PDXP: variants seen among roughly 807,000 people sequenced by gnomAD.
The protein encoded by PDXP is chronophin.
Under a neutral mutation model 14.4 loss-of-function variants are expected in PDXP, and 15 were observed. That is an observed-to-expected ratio of 1.04 (90% CI 0.70 to 1.60). The LOEUF is 1.60. Ranked by LOEUF, PDXP falls within the 40% of genes most tolerant of loss-of-function variation. The probability of loss-of-function intolerance (pLI) is 0.00; values close to 1 mark genes in which losing one functional copy is unlikely to be tolerated. For missense variants in PDXP, 413 were observed against 427.6 expected (o/e 0.97, Z 0.30); for synonymous variants, 233 against 205.6 (o/e 1.13, Z -1.14).
Position 37,661,917 on chromosome 22 carries a change from A to ATTTTTTTTTTTTTTTTTTT in PDXP, c.574+2585_574+2603dup, listed in dbSNP as rs763030330. Among the ~76,000 whole-genome samples the ATTTTTTTTTTTTTTTTTTT allele has an allele frequency of 7.0e-5, 5 of 71,190 alleles. 1 individual carries two copies. The highest frequency in any genetic ancestry group is 1.3e-4 in the Non-Finnish European group (5 of 38,944). The allele number at this position is 71,190 out of a possible 152,430, so 46.7% of individuals were successfully genotyped here. A position where few individuals can be genotyped will look rare whatever the true frequency, so the allele number is the denominator to read the frequency against. ...CTTTTATTCTCTCTCTTTTTCTTTAATTTTTTTTTTTTTTTTTTTTTTTTT... is the reference window on the plus strand; with the variant it reads ...CTTTTATTCTCTCTCTTTTTCTTTAATTTTTTTTTTTTTTTTTTTTTTTTTTTTTTTTTTTTTTTTTTTT... On this transcript the variant is annotated intron_variant, in intron 1 of 1. Coordinates refer to ENST00000215904, the MANE Select transcript of PDXP (RefSeq NM_020315.5).
At chr22:37,659,804 A>G (rs1319744441) in intron 1 of PDXP, among the ~76,000 whole-genome samples, 1 of 152,122 alleles carries the variant, frequency 6.6e-6, no homozygotes, top group Non-Finnish European at 1.5e-5. Flanking sequence ...CAGTTACATA[A>G]CCTCCAAGCA....
Position 37,658,936 on chromosome 22 carries a change from A to G in PDXP, c.154A>G (p.Lys52Glu), listed in dbSNP as rs1180002118. 2 of 1,214,268 alleles carry G rather than the reference A, an allele frequency of 1.6e-6. No individual in the cohort carries two copies. The highest frequency in any genetic ancestry group is 2.1e-6 in the Non-Finnish European group (2 of 974,006). The allele number at this position is 1,214,268 out of a possible 1,614,324, so 75.2% of individuals were successfully genotyped here. ...GCTGGAGCGGCTGGCGCGGGCCGGC[A>G]AGGCGGCTCTGTTTGTGAGCAACAA... ...ELLERLARAG[K>E]AALFVSNNSR... The change falls in exon 1 of 2, where the codon AAG becomes GAG. Residue 52 changes from lysine (K) to glutamate (E), a missense_variant. Transcript: ENST00000215904.
Position 37,666,088 on chromosome 22 carries a change from A to T in PDXP, c.*217A>T, listed in dbSNP as rs932005610. The T allele has an allele frequency of 6.5e-6, 4 of 611,346 alleles. No individual in the cohort carries two copies. The highest frequency in any genetic ancestry group is 1.2e-5 in the Non-Finnish European group (4 of 336,522). The allele number at this position is 611,346 out of a possible 1,614,324, so 37.9% of individuals were successfully genotyped here. On this transcript the variant is annotated 3_prime_UTR_variant, in exon 2 of 2. Transcript: ENST00000215904. The stretch of plus-strand genomic sequence containing the variant: ...TGCCCCAGAAGCTGGTCCCCTATGG[A>T]TTCATCTTGGCCTGACCCAGCCAGG...
intron 1 of PDXP, among the ~76,000 whole-genome samples, chr22:37,660,724 G>A (rs1476323532): frequency 1.3e-5 from 2 of 152,170 alleles, no homozygotes; most frequent in Admixed American, 1.3e-4. Context: ...AATCCTGGGG[G>A]TACAGGATGG....
Position 37,666,261 on chromosome 22 carries a change from G to T in PDXP, c.*390G>T, listed in dbSNP as rs1921080521. The T allele has an allele frequency of 3.6e-6, 1 of 280,388 alleles. No homozygotes were observed. Among genetic ancestry groups the T allele is most frequent in the African/African-American group, 2.2e-5 (1 of 45,864 alleles). The allele number at this position is 280,388 out of a possible 1,614,324, so 17.4% of individuals were successfully genotyped here. A position where few individuals can be genotyped will look rare whatever the true frequency, so the allele number is the denominator to read the frequency against. ...TCTGCCCCTCAGGTCCTGGCCCTTG[G>T]GTCCTTGTCAACCAGAGGTCTAGGG... On this transcript the variant is annotated 3_prime_UTR_variant, in exon 2 of 2. Coordinates refer to ENST00000215904, the MANE Select transcript of PDXP (RefSeq NM_020315.5).
At chr22:37,664,685 G>A (rs1046246525) in intron 1 of PDXP, among the ~76,000 whole-genome samples, 9 of 152,202 alleles carry the variant, frequency 5.9e-5, no homozygotes, top group Non-Finnish European at 1.2e-4. Context: ...TAGCATGAAG[G>A]CCGAATGTTC....
At chr22:37,662,537 G>T (rs549621832) in intron 1 of PDXP, among the ~76,000 whole-genome samples, 3 of 152,178 alleles carry the variant, frequency 2.0e-5, no homozygotes, top group African/African-American at 7.2e-5. Flanking sequence ...GTCCCTGAAC[G>T]TGGGGTCAGG....
rs1049105052 is a variant in PDXP at position 37,658,998 on chromosome 22, C to T, written c.216C>T (p.Phe72=). ...RRARPELALR[F]ARLGFGGLRA... is the part of the protein sequence containing the mutation. ...CGCGGCCCGAGCTGGCCCTGCGCTTCGCGCGCCTCGGCTTCGGGGGGCTGC... is the reference window on the plus strand; with the variant it reads ...CGCGGCCCGAGCTGGCCCTGCGCTTTGCGCGCCTCGGCTTCGGGGGGCTGC... Residue 72 remains phenylalanine, a synonymous_variant, in exon 1 of 2, where the codon TTC becomes TTT. Coordinates refer to ENST00000215904, the MANE Select transcript of PDXP (RefSeq NM_020315.5). 1.5e-5 allele frequency: 18 copies of T among 1,198,940 alleles called. No individual in the cohort carries two copies. The East Asian group carries it at 4.5e-4, about 30-fold the overall frequency. The allele number at this position is 1,198,940 out of a possible 1,614,324, so 74.3% of individuals were successfully genotyped here. A position where few individuals can be genotyped will look rare whatever the true frequency, so the allele number is the denominator to read the frequency against.
chr22:37,661,330 CAGTGTGGTGTGGTGTGGTGTGTGTGTGT>C (rs139818903), intron 1 of PDXP, among the ~76,000 whole-genome samples: 41,964 of 146,744 alleles, frequency 0.29, 6,489 homozygotes, highest in Middle Eastern at 0.37. Context: ...AGCTTTCAAA[CAGTGTGGTGTGGTGTGGTGTGTGTGTGT>C]GGTGTGGTGT....
chr22:37,664,914 A>C (rs1442171104), intron 1 of PDXP: 1 of 151,854 alleles, frequency 6.6e-6, no homozygotes, highest in Non-Finnish European at 1.5e-5. Context: ...TCTTGTGATC[A>C]CTTTCCCGGG....
chr22:37,660,970 C>A (rs1362435710), intron 1 of PDXP, among the ~76,000 whole-genome samples: 2 of 152,144 alleles, frequency 1.3e-5, no homozygotes, highest in African/African-American at 2.4e-5. Flanking sequence ...GCCTCAGTTT[C>A]CCTATAAGTC....
chr22:37,665,871 A>C lies in PDXP; in HGVS notation c.891A>C (p.Ter297CysextTer18), dbSNP rs1402059498. The C allele has an allele frequency of 6.2e-7, 1 of 1,610,246 alleles. No individual in the cohort carries two copies. Among genetic ancestry groups the C allele is most frequent in the Non-Finnish European group, 8.5e-7 (1 of 1,177,274 alleles). The change falls in exon 2 of 2, where the codon TGA becomes TGC. Residue 297 changes from the stop codon to cysteine, a stop_lost. Transcript: ENST00000215904. The stretch of plus-strand genomic sequence containing the variant: ...ACTTGACAGAGGGGTTGGAGGACTG[A>C]GCCCACTGCACCTGCAGCCACAGGC... ...IADLTEGLED[*>C]
At position 37,665,710 on chromosome 22, in the gene PDXP, A is replaced by G. The variant is rs1203350082; in HGVS notation, c.730A>G (p.Ile244Val). ...GGTGGGTGACCGCCTGGAGACCGAC[A>G]TCCTCTTTGGCCACCGCTGCGGCAT... is the stretch of plus-strand genomic sequence containing the variant. ...LMVGDRLETD[I>V]LFGHRCGMTT... The change falls in exon 2 of 2, where the codon ATC becomes GTC. Residue 244 changes from isoleucine to valine, a missense_variant. Coordinates refer to ENST00000215904, the MANE Select transcript of PDXP (RefSeq NM_020315.5). 6.2e-7 allele frequency: 1 copy of G among 1,614,144 alleles called. No individual in the cohort carries two copies. Among genetic ancestry groups the G allele is most frequent in the Non-Finnish European group, 8.5e-7 (1 of 1,180,028 alleles).
Position 37,658,765 on chromosome 22 carries a change from C to G in PDXP, c.-18C>G. 1 of 1,155,502 alleles carries G rather than the reference C, an allele frequency of 8.7e-7. No homozygotes were observed. The highest frequency in any genetic ancestry group is 1.1e-6 in the Non-Finnish European group (1 of 938,490). The allele number at this position is 1,155,502 out of a possible 1,614,324, so 71.6% of individuals were successfully genotyped here. ...GCGGAGAGAGCGCGGCGCGGGAGGC[C>G]GGCGGCCGGCCGGCTGCATGGCGCG... On this transcript the variant is annotated 5_prime_UTR_variant, in exon 1 of 2. Transcript: ENST00000215904.
rs576842317 is a variant in PDXP at position 37,658,933 on chromosome 22, G to A, written c.151G>A (p.Gly51Ser). 4.1e-6 allele frequency: 5 copies of A among 1,215,440 alleles called. No individual in the cohort carries two copies. The highest frequency in any genetic ancestry group is 3.5e-5 in the East Asian group (1 of 28,818). 75.3% of individuals were successfully genotyped at this position (1,215,440 alleles called of 1,614,324 possible). ...PELLERLARAGKAALFVSNNS... is the reference protein window; with the variant it reads ...PELLERLARASKAALFVSNNS... Reference sequence around the variant, plus strand: ...GCTGCTGGAGCGGCTGGCGCGGGCCGGCAAGGCGGCTCTGTTTGTGAGCAA... The same window carrying A: ...GCTGCTGGAGCGGCTGGCGCGGGCCAGCAAGGCGGCTCTGTTTGTGAGCAA... The change falls in exon 1 of 2, where the codon GGC becomes AGC. Residue 51 changes from glycine to serine, a missense_variant. Transcript: ENST00000215904.
chr22:37,659,042 G>C lies in PDXP; in HGVS notation c.260G>C (p.Ser87Thr), dbSNP rs1186987525. ...GGGCTGCGCGCCGAGCAGCTCTTCAGCTCCGCGCTGTGCGCCGCGCGCCTG... is the reference window on the plus strand; with the variant it reads ...GGGCTGCGCGCCGAGCAGCTCTTCACCTCCGCGCTGTGCGCCGCGCGCCTG... ...FGGLRAEQLF[S>T]SALCAARLLR... Residue 87 changes from serine to threonine, a missense_variant, in exon 1 of 2, where the codon AGC (serine) becomes ACC (threonine). By Grantham distance (58) the Ser-to-Thr change is moderately conservative. Coordinates refer to ENST00000215904, the MANE Select transcript of PDXP (RefSeq NM_020315.5). 1 of 1,147,122 alleles carries C rather than the reference G, an allele frequency of 8.7e-7. No homozygotes were observed. Among genetic ancestry groups the C allele is most frequent in the Non-Finnish European group, 1.1e-6 (1 of 933,334 alleles). The allele number at this position is 1,147,122 out of a possible 1,614,324, so 71.1% of individuals were successfully genotyped here.
Position 37,665,956 on chromosome 22 carries a change from G to A in PDXP, c.*85G>A. 2.2e-6 allele frequency: 3 copies of A among 1,364,598 alleles called. No individual in the cohort carries two copies. The highest frequency in any genetic ancestry group is 3.0e-6 in the Non-Finnish European group (3 of 986,854). The allele number at this position is 1,364,598 out of a possible 1,614,324, so 84.5% of individuals were successfully genotyped here. ...GGCGATGGGTCACGAGCCATGTTAA[G>A]CACAACCGGCTCCTTGGTCCAGTTC... On this transcript the variant is annotated 3_prime_UTR_variant, in exon 2 of 2. Transcript: ENST00000215904.
chr22:37,659,192 A>G lies in PDXP; in HGVS notation c.410A>G (p.Asp137Gly). 3 of 1,214,460 alleles carry G rather than the reference A, an allele frequency of 2.5e-6. No individual in the cohort carries two copies. Among genetic ancestry groups the G allele is most frequent in the Non-Finnish European group, 3.1e-6 (3 of 976,452 alleles). The allele number at this position is 1,214,460 out of a possible 1,614,324, so 75.2% of individuals were successfully genotyped here. A position where few individuals can be genotyped will look rare whatever the true frequency, so the allele number is the denominator to read the frequency against. ...CTGGCCGGGGACCCGAGCGCGGGGG[A>G]CGGCGCGGCCCCGCGCGTGCGCGCC... ...LRLAGDPSAG[D>G]GAAPRVRAVL... is the part of the protein sequence containing the mutation. The change falls in exon 1 of 2, where the codon GAC becomes GGC. Residue 137 changes from aspartate to glycine, a missense_variant. Physicochemically the swap from Asp to Gly is moderately conservative, Grantham distance 94. Coordinates refer to ENST00000215904, the MANE Select transcript of PDXP (RefSeq NM_020315.5).
In PDXP at chr22:37,659,129, A is replaced by AGGGGCTGCGCGCCGC; in HGVS notation, c.361_362insCGGGGCTGCGCGCCG (p.Ala120_Glu121insAlaGlyLeuArgAla). The AGGGGCTGCGCGCCGC allele has an allele frequency of 9.8e-7, 1 of 1,016,274 alleles. No homozygotes were observed. The highest frequency in any genetic ancestry group is 9.9e-5 in the East Asian group (1 of 10,124). The allele number at this position is 1,016,274 out of a possible 1,614,324, so 63.0% of individuals were successfully genotyped here. A position where few individuals can be genotyped will look rare whatever the true frequency, so the allele number is the denominator to read the frequency against. On this transcript the variant is annotated inframe_insertion, in exon 1 of 2. Transcript: ENST00000215904. Reference sequence around the variant, plus strand: ...GGCGCCGTGTTCGTGCTGGGCGGCGAGGGGCTGCGCGCCGAGCTGCGCGCC... The same window carrying AGGGGCTGCGCGCCGC: ...GGCGCCGTGTTCGTGCTGGGCGGCGAGGGGCTGCGCGCCGCGGGGCTGCGCGCCGAGCTGCGCGCC...
Sources: gnomAD v4.1 joint callset for allele counts (sites outside exome capture counted in the v4.1 genomes callset) on GRCh38, gnomAD v4.1.1 for gene constraint, MANE v1.5 for transcripts, NCBI Gene and HGNC (gene_info 2026-07-23, HGNC 2026-07-21) for gene names.